ST8SIA5: variants seen among roughly 807,000 people sequenced by gnomAD.
ST8SIA5 encodes ST8 alpha-N-acetyl-neuraminide alpha-2,8-sialyltransferase 5, also known as alpha-2,8-sialyltransferase 8E.
In ST8SIA5, 24 loss-of-function variants were observed where a neutral mutation model predicts 40.2. The ratio of observed to expected loss-of-function variants is 0.60; its 90% CI spans 0.43 to 0.84. The LOEUF is 0.84. Ranked by LOEUF, ST8SIA5 falls within the 40% of genes least tolerant of loss-of-function variation. ST8SIA5 has a pLI of 0.00. For missense variants in ST8SIA5, 465 were observed against 498.5 expected (o/e 0.93, Z 0.64); for synonymous variants, 198 against 201.8 (o/e 0.98, Z 0.16).
intron 1 of ST8SIA5, among the ~76,000 whole-genome samples, chr18:46,734,324 A>C (rs2040013544): frequency 6.6e-6 from 1 of 152,078 alleles, no homozygotes; most frequent in Non-Finnish European, 1.5e-5. Context: ...GGCAAAAGAA[A>C]AGATGCTGCA....
intron 1 of ST8SIA5, 72 bp from the exon 2 acceptor site, chr18:46,704,736 G>T (rs2039653222): frequency 4.8e-6 from 6 of 1,248,130 alleles, no homozygotes; most frequent in Admixed American, 1.7e-5. Context: ...GGCTCTTGTT[G>T]CAGGGTGGAG....
chr18:46,680,203 A>G lies in ST8SIA5; in HGVS notation c.970T>C (p.Phe324Leu). The G allele has an allele frequency of 5.0e-6, 8 of 1,614,220 alleles. No individual in the cohort carries two copies. Among genetic ancestry groups the G allele is most frequent in the Non-Finnish European group, 6.8e-6 (8 of 1,180,030 alleles). ...EEVHLFGFWA[F>L]PMNPSGLYIT... ...TAGAGGCCCGAGGGGTTCATGGGGA[A>G]GGCCCAGAAGCCAAAGAGGTGCACC... The change falls in exon 7 of 7, where the codon TTC becomes CTC. Residue 324 changes from phenylalanine to leucine, a missense_variant. By Grantham distance (22) the Phe-to-Leu change is conservative (BLOSUM62 0). Coordinates refer to ENST00000315087, the MANE Select transcript of ST8SIA5 (RefSeq NM_013305.6).
At chr18:46,713,930 G>A (rs1212750815) in intron 1 of ST8SIA5, among the ~76,000 whole-genome samples, 1 of 152,188 alleles carries the variant, frequency 6.6e-6, no homozygotes. Flanking sequence ...AGTGTCCGAA[G>A]ACCTGGTCCT....
intron 1 of ST8SIA5, among the ~76,000 whole-genome samples, chr18:46,733,953 G>A (rs2040009290): frequency 6.6e-6 from 1 of 152,132 alleles, no homozygotes; most frequent in Admixed American, 6.5e-5. Flanking sequence ...AGGAGTCTCT[G>A]TGGGCTGGGC....
Position 46,686,291 on chromosome 18 carries a change from G to C in ST8SIA5, c.457-5C>G, listed in dbSNP as rs2039446842. ...GGACCGGTAGTAGGGCATGTCCTGG[G>C]GGAGGCACAGGCACAGCTGTCAGAG... On this transcript the variant is annotated splice_polypyrimidine_tract_variant and splice_region_variant and intron_variant, in intron 4 of 6. Transcript: ENST00000315087. The C allele has an allele frequency of 6.2e-7, 1 of 1,613,626 alleles. No individual in the cohort carries two copies. The highest frequency in any genetic ancestry group is 1.1e-5 in the South Asian group (1 of 91,062).
intron 6 of ST8SIA5, 50 bp from the exon 7 acceptor site, chr18:46,680,560 G>A (rs755702731): frequency 3.6e-5 from 54 of 1,496,550 alleles, no homozygotes; most frequent in Non-Finnish European, 4.7e-5. Context: ...CGTGCCCTCA[G>A]GCCCCTCGCT....
intron 1 of ST8SIA5, among the ~76,000 whole-genome samples, chr18:46,742,055 T>C (rs1396459739): frequency 6.6e-6 from 1 of 151,042 alleles, no homozygotes; most frequent in African/African-American, 2.4e-5. Flanking sequence ...TGAGCCGAGA[T>C]CAAGCCACTG....
intron 1 of ST8SIA5, among the ~76,000 whole-genome samples, chr18:46,716,385 G>A (rs1429160294): frequency 6.6e-6 from 1 of 152,234 alleles, no homozygotes; most frequent in South Asian, 2.1e-4. Context: ...CCTGTAGCTG[G>A]TGCTACCCTG....
chr18:46,713,566 G>T (rs1367407706), intron 1 of ST8SIA5, among the ~76,000 whole-genome samples: 1 of 152,158 alleles, frequency 6.6e-6, no homozygotes, highest in Non-Finnish European at 1.5e-5. Flanking sequence ...ACAGGCCTGA[G>T]GTCAGCTCCC....
intron 1 of ST8SIA5, among the ~76,000 whole-genome samples, chr18:46,732,373 A>C (rs954671019): frequency 6.6e-6 from 1 of 152,228 alleles, no homozygotes; most frequent in African/African-American, 2.4e-5. Flanking sequence ...TCAGCACCCA[A>C]GGTCTGGATC....
intron 1 of ST8SIA5, among the ~76,000 whole-genome samples, chr18:46,735,141 C>T (rs2040021751): frequency 6.6e-6 from 1 of 152,266 alleles, no homozygotes; most frequent in Admixed American, 6.5e-5. Context: ...CTTTTGGACT[C>T]TTGGACTTAA....
chr18:46,722,683 C>T (rs1392749462), intron 1 of ST8SIA5, among the ~76,000 whole-genome samples: 3 of 152,218 alleles, frequency 2.0e-5, no homozygotes, highest in African/African-American at 7.2e-5. Context: ...CATCCCTGCT[C>T]TCTACCACCA....
intron 1 of ST8SIA5, among the ~76,000 whole-genome samples, chr18:46,753,101 C>G (rs2144576733): frequency 6.6e-6 from 1 of 152,328 alleles, no homozygotes; most frequent in East Asian, 1.9e-4. Flanking sequence ...CCTCTTCGTC[C>G]CTTCCTTCCA....
At chr18:46,709,373 T>G (rs2039700186) in intron 1 of ST8SIA5, among the ~76,000 whole-genome samples, 1 of 152,226 alleles carries the variant, frequency 6.6e-6, no homozygotes. Flanking sequence ...GATCTTGGAC[T>G]TCCCAGCCCC....
intron 5 of ST8SIA5, among the ~76,000 whole-genome samples, chr18:46,683,381 G>A (rs568607794): frequency 1.3e-5 from 2 of 152,258 alleles, no homozygotes; most frequent in African/African-American, 4.8e-5. Flanking sequence ...GCAGGTGTTA[G>A]CTGGTTGAAT....
chr18:46,712,354 C>T (rs868417557), intron 1 of ST8SIA5, among the ~76,000 whole-genome samples: 5 of 152,328 alleles, frequency 3.3e-5, no homozygotes, highest in Admixed American at 6.5e-5. Context: ...CTTCATCTTC[C>T]GCCAACTCTC....
At chr18:46,716,808 G>T (rs1042008364) in intron 1 of ST8SIA5, among the ~76,000 whole-genome samples, 16 of 152,256 alleles carry the variant, frequency 1.1e-4, no homozygotes, top group African/African-American at 3.6e-4. Context: ...AAGTTGCCCT[G>T]GGGGCAGACG....
intron 1 of ST8SIA5, among the ~76,000 whole-genome samples, chr18:46,734,396 C>T (rs2040014638): frequency 6.6e-6 from 1 of 151,920 alleles, no homozygotes; most frequent in African/African-American, 2.4e-5. Flanking sequence ...GGCCGTTCCC[C>T]ACCTCCCCCC....
intron 1 of ST8SIA5, among the ~76,000 whole-genome samples, chr18:46,719,081 A>G (rs190386765): frequency 1.1e-4 from 16 of 152,352 alleles, no homozygotes; most frequent in African/African-American, 3.8e-4. Flanking sequence ...AACTAGAAAT[A>G]GAGATTTGAA....
Sources: allele counts gnomAD v4.1 joint callset (sites outside exome capture counted in the v4.1 genomes callset), GRCh38; gene constraint gnomAD v4.1.1; transcripts MANE v1.5; gene names NCBI Gene and HGNC (gene_info 2026-07-23, HGNC 2026-07-21).